AQR: variants seen among roughly 807,000 people sequenced by gnomAD.
AQR encodes aquarius intron-binding spliceosomal factor.
In AQR, 61 loss-of-function variants were observed where a neutral mutation model predicts 180.5. The ratio of observed to expected loss-of-function variants is 0.34; its 90% CI spans 0.28 to 0.42. The LOEUF is 0.42. AQR is among the 10% of genes least tolerant of loss of function. The pLI, the probability that AQR is intolerant of heterozygous loss-of-function variation, is 1.00. For synonymous variants in AQR, 551 were observed against 588.8 expected, an observed-to-expected ratio of 0.94 and a Z score of 0.93; for missense variants, 1,281 against 1,798.3, an observed-to-expected ratio of 0.71 and a Z score of 5.20.
Position 34,856,923 on chromosome 15 carries a change from C to CT in AQR, c.4326dup (p.Gly1443ArgfsTer14). ...ATGGCTTCTGGAGTGGAAGTGGCTC[C>CT]TGTCTCACTGGGGGTGGTGTCAGTT... On this transcript the variant is annotated frameshift_variant, in exon 35 of 35. Coordinates refer to ENST00000156471, the MANE Select transcript of AQR (RefSeq NM_014691.3). LOFTEE classifies it low-confidence loss of function (END_TRUNC). 1 of 1,614,068 alleles carries CT rather than the reference C, an allele frequency of 6.2e-7. No homozygotes were observed. Among genetic ancestry groups the CT allele is most frequent in the Non-Finnish European group, 8.5e-7 (1 of 1,179,990 alleles).
intron 22 of AQR, among the ~76,000 whole-genome samples, chr15:34,894,594 G>A (rs1023490186): frequency 6.6e-6 from 1 of 151,900 alleles, no homozygotes; most frequent in Non-Finnish European, 1.5e-5. Context: ...TATAATAAGA[G>A]GCTATTTTTT....
intron 12 of AQR, among the ~76,000 whole-genome samples, chr15:34,927,776 C>A (rs1893787767): frequency 6.6e-6 from 1 of 152,204 alleles, no homozygotes; most frequent in Non-Finnish European, 1.5e-5. Context: ...TTCATGTGTT[C>A]CATGGTGGAT....
At chr15:34,880,241 A>G (rs1353239831) in intron 27 of AQR, among the ~76,000 whole-genome samples, 1 of 152,228 alleles carries the variant, frequency 6.6e-6, no homozygotes, top group Non-Finnish European at 1.5e-5. Flanking sequence ...TTGGACATGG[A>G]AAGTCTTAAA....
At position 34,917,103 on chromosome 15, in the gene AQR, T is replaced by C. The variant is rs949285253; in HGVS notation, c.1342+1155A>G. On this transcript the variant is annotated intron_variant, in intron 15 of 34. Transcript: ENST00000156471. ...TATCTTGAATTTCTTTATAGTTTTA[T>C]CATCCAGGTGTGCATCCCTAGACAT... Among the ~76,000 whole-genome samples, 3 of 152,196 alleles carry C rather than the reference T, an allele frequency of 2.0e-5. No individual in the cohort carries two copies. The South Asian group carries it at 6.2e-4, about 31-fold the overall frequency.
At chr15:34,944,136 A>G (rs1273460862) in intron 6 of AQR, 152 bp downstream of exon 6, 3 of 629,588 alleles carry the variant, frequency 4.8e-6, no homozygotes, top group Non-Finnish European at 7.5e-6. Flanking sequence ...AAATGGTTTT[A>G]CTGATAAGTG....
At chr15:34,911,437 C>G (rs1024533428) in intron 16 of AQR, among the ~76,000 whole-genome samples, 2 of 152,198 alleles carry the variant, frequency 1.3e-5, no homozygotes, top group African/African-American at 4.8e-5. Flanking sequence ...CTTTTCTCCA[C>G]ATCCTTGCAA....
At chr15:34,898,809 G>A (rs368457832) in intron 20 of AQR, among the ~76,000 whole-genome samples, 1 of 151,282 alleles carries the variant, frequency 6.6e-6, no homozygotes, top group Admixed American at 6.6e-5. Flanking sequence ...GCGTGAACCC[G>A]GGAGGCAGAG....
chr15:34,905,879 A>T (rs567322892), intron 18 of AQR, among the ~76,000 whole-genome samples: 1 of 151,664 alleles, frequency 6.6e-6, no homozygotes, highest in South Asian at 2.1e-4. Context: ...TCTACTAAAA[A>T]TACAAAAATT....
intron 12 of AQR, among the ~76,000 whole-genome samples, chr15:34,927,855 G>A (rs1893789025): frequency 1.3e-5 from 2 of 152,162 alleles, no homozygotes; most frequent in Admixed American, 1.3e-4. Flanking sequence ...TACACACAAT[G>A]GCAAAATGAC....
chr15:34,919,699 C>G (rs1893654095), intron 14 of AQR, among the ~76,000 whole-genome samples: 1 of 152,004 alleles, frequency 6.6e-6, no homozygotes, highest in Non-Finnish European at 1.5e-5. Flanking sequence ...GAGTTCAAGA[C>G]CAGCCTGGCC....
At chr15:34,897,941 AG>A (rs1324882794) in intron 20 of AQR, among the ~76,000 whole-genome samples, 2 of 152,264 alleles carry the variant, frequency 1.3e-5, no homozygotes, top group African/African-American at 2.4e-5. Context: ...GAGAATTTAA[AG>A]AAACATTAAA....
chr15:34,912,355 T>G (rs1045397710), intron 16 of AQR, among the ~76,000 whole-genome samples: 8 of 152,146 alleles, frequency 5.3e-5, no homozygotes, highest in Non-Finnish European at 8.8e-5. Flanking sequence ...CTCTCTCAGT[T>G]TTTGTTCTCT....
At chr15:34,864,577 T>C (rs1892716464) in intron 32 of AQR, among the ~76,000 whole-genome samples, 1 of 152,138 alleles carries the variant, frequency 6.6e-6, no homozygotes, top group African/African-American at 2.4e-5. Context: ...CTCACACAAA[T>C]ATTATAAATA....
Position 34,853,510 on chromosome 15 carries a change from G to A in AQR, c.*3282C>T, listed in dbSNP as rs1308972834. 1.3e-5 allele frequency: 2 copies of A among 152,152 alleles called. No homozygotes were observed. The highest frequency in any genetic ancestry group is 1.5e-5 in the Non-Finnish European group (1 of 68,034). 9.4% of individuals were successfully genotyped at this position (152,152 alleles called of 1,614,324 possible). A position where few individuals can be genotyped will look rare whatever the true frequency, so the allele number is the denominator to read the frequency against. ...TGGCAGAGATCACTCTCGATGTTAT[G>A]ATGTACTGATTCAGAGGTCCCAAAT... On this transcript the variant is annotated 3_prime_UTR_variant, in exon 35 of 35. Coordinates refer to ENST00000156471, the MANE Select transcript of AQR (RefSeq NM_014691.3).
Position 34,934,637 on chromosome 15 carries a change from T to C in AQR, c.719-2A>G. 1 of 1,571,322 alleles carries C rather than the reference T, an allele frequency of 6.4e-7. No homozygotes were observed. The highest frequency in any genetic ancestry group is 8.6e-7 in the Non-Finnish European group (1 of 1,163,322). On this transcript the variant is annotated splice_acceptor_variant, in intron 9 of 34. Transcript: ENST00000156471. LOFTEE classifies it high-confidence loss of function. ...GAACTTTGTCCATAGTGACAGGTTCTAGACATAAGAGAGAACGCATGATAG... is the reference window on the plus strand; with the variant it reads ...GAACTTTGTCCATAGTGACAGGTTCCAGACATAAGAGAGAACGCATGATAG...
At chr15:34,876,115 C>A in intron 27 of AQR, 109 bp from the exon 28 acceptor site, 1 of 774,766 alleles carries the variant, frequency 1.3e-6, no homozygotes, top group Non-Finnish European at 2.2e-6. Flanking sequence ...AAACGACATA[C>A]AAATTATTCA....
intron 6 of AQR, among the ~76,000 whole-genome samples, chr15:34,942,606 T>C (rs1294933987): frequency 6.6e-6 from 1 of 152,220 alleles, no homozygotes; most frequent in African/African-American, 2.4e-5. Flanking sequence ...AGTAAATACG[T>C]ATGTTAGATA....
intron 16 of AQR, among the ~76,000 whole-genome samples, chr15:34,913,216 C>G (rs1893526116): frequency 6.6e-6 from 1 of 152,180 alleles, no homozygotes; most frequent in Non-Finnish European, 1.5e-5. Flanking sequence ...CAAACCCAAG[C>G]AACCGCTAAT....
At chr15:34,946,897 GC>G (rs1401016568) in intron 5 of AQR, among the ~76,000 whole-genome samples, 3 of 148,528 alleles carry the variant, frequency 2.0e-5, no homozygotes, top group Non-Finnish European at 4.5e-5. Flanking sequence ...GGGGGGGTCA[GC>G]CCCCCGTCCG....
Sources: allele counts gnomAD v4.1 joint callset (sites outside exome capture counted in the v4.1 genomes callset), GRCh38; gene constraint gnomAD v4.1.1; transcripts MANE v1.5; gene names NCBI Gene and HGNC (gene_info 2026-07-23, HGNC 2026-07-21).